Variants in ZBTB16 observed in about 807,000 individuals in gnomAD.
ZBTB16 encodes the protein zinc finger and BTB domain containing 16.
In ZBTB16, 8 loss-of-function variants were observed where a neutral mutation model predicts 56.8. The observed-to-expected ratio is 0.14, with a 90% CI of 0.08 to 0.25. The LOEUF (loss-of-function observed/expected upper bound fraction) is 0.25, where lower values mean the gene tolerates loss of function less well. Among genes scored for constraint, ZBTB16 ranks in the 10% least tolerant of loss-of-function variants. The probability of loss-of-function intolerance (pLI) is 1.00; values close to 1 mark genes in which losing one functional copy is unlikely to be tolerated. For missense variants in ZBTB16, 625 were observed against 903.0 expected (o/e 0.69, Z 3.95); for synonymous variants, 363 against 368.5 (o/e 0.98, Z 0.17).
rs568458264 is a variant in ZBTB16 at position 114,256,575 on chromosome 11, C to T, written c.*6020C>T. On this transcript the variant is annotated 3_prime_UTR_variant, in exon 7 of 7. Transcript: ENST00000335953. ...ACATTTTCAACTGACTCCTTAGTGG[C>T]TAAGCAAGCTTCAGAAATTTCTCAA... 6.6e-6 allele frequency among the ~76,000 whole-genome samples: 1 copy of T among 152,162 alleles called. No individual in the cohort carries two copies. The highest frequency in any genetic ancestry group is 1.5e-5 in the Non-Finnish European group (1 of 68,032).
rs116645120 is a variant in ZBTB16, at chr11:114,159,107, G to T, written c.1366+2673G>T. 2.3e-3 allele frequency among the ~76,000 whole-genome samples: 356 copies of T among 152,354 alleles called. 3 individuals are homozygous for T. Among genetic ancestry groups the T allele is most frequent in the African/African-American group, 8.1e-3 (337 of 41,578 alleles). On this transcript the variant is annotated intron_variant, in intron 3 of 6. Transcript: ENST00000335953. The stretch of plus-strand genomic sequence containing the variant: ...GGCTGCAGAAAAGAAAGGGTTGCTT[G>T]CATACTCATGTCAGGTGGGCCCGGT...
chr11:114,142,327 C>T (rs897128487), intron 2 of ZBTB16, among the ~76,000 whole-genome samples: 13 of 152,222 alleles, frequency 8.5e-5, no homozygotes, highest in African/African-American at 3.1e-4. Context: ...AGTCTGTGCA[C>T]AAGCCTTGAA....
At chr11:114,087,742 C>T (rs1034398191) in intron 2 of ZBTB16, among the ~76,000 whole-genome samples, 16 of 152,164 alleles carry the variant, frequency 1.1e-4, no homozygotes, top group Admixed American at 2.6e-4. Flanking sequence ...AGAGAAGAAA[C>T]GAGAGAATTC....
intron 2 of ZBTB16, among the ~76,000 whole-genome samples, chr11:114,104,775 G>A (rs1158109982): frequency 6.6e-6 from 1 of 152,224 alleles, no homozygotes; most frequent in East Asian, 1.9e-4. Flanking sequence ...AAAACCATCT[G>A]TTAAATGGAC....
At position 114,214,288 on chromosome 11, in the gene ZBTB16, G is replaced by A. The variant is rs538976242; in HGVS notation, c.1453+27250G>A. ...GATTACTGGGAAAGAGTTAGTAGGG[G>A]AGATGGGACTTGAAGTTTTTTGAAA... On this transcript the variant is annotated intron_variant, in intron 4 of 6. Coordinates refer to ENST00000335953, the MANE Select transcript of ZBTB16 (RefSeq NM_006006.6). Among the ~76,000 whole-genome samples, 113 of 152,286 alleles carry A rather than the reference G, an allele frequency of 7.4e-4. 2 individuals are homozygous for A. The South Asian group carries it at 0.023, about 31-fold the overall frequency.
chr11:114,213,198 A>T (rs1944030190), intron 4 of ZBTB16, among the ~76,000 whole-genome samples: 1 of 152,084 alleles, frequency 6.6e-6, no homozygotes, highest in Non-Finnish European at 1.5e-5. Flanking sequence ...TGGTGACGTG[A>T]GGCCTTGATG....
At chr11:114,114,682 CTTT>C (rs761374297) in intron 2 of ZBTB16, among the ~76,000 whole-genome samples, 12 of 140,070 alleles carry the variant, frequency 8.6e-5, no homozygotes, top group Admixed American at 1.4e-4. Context: ...TATGTTTTTT[CTTT>C]TTTTTTTTTT....
intron 2 of ZBTB16, among the ~76,000 whole-genome samples, chr11:114,116,748 G>C (rs571505293): frequency 3.0e-4 from 46 of 152,268 alleles, no homozygotes; most frequent in African/African-American, 9.4e-4. Context: ...TGTTCCCTAA[G>C]ACAATTGGTA....
At chr11:114,154,250 C>T (rs561377190) in intron 2 of ZBTB16, among the ~76,000 whole-genome samples, 12 of 152,256 alleles carry the variant, frequency 7.9e-5, no homozygotes, top group African/African-American at 2.2e-4. Context: ...AATGGGTGTT[C>T]GTCCTCCTAT....
rs150640696 is a variant in ZBTB16 at position 114,187,249 on chromosome 11, G to A, written c.1453+211G>A. The A allele has an allele frequency of 3.3e-4, 216 of 656,402 alleles. 1 individual carries two copies. In the Middle Eastern group the frequency reaches 8.6e-3, roughly 26 times the overall value. The allele number at this position is 656,402 out of a possible 1,614,324, so 40.7% of individuals were successfully genotyped here. On this transcript the variant is annotated intron_variant, in intron 4 of 6. Transcript: ENST00000335953. The stretch of plus-strand genomic sequence containing the variant: ...GTTTACAAGTATGACATGGCCCCAT[G>A]AGAATGGCTGTCCTAGATTAGGCCA...
At chr11:114,183,059 G>A (rs779084556) in intron 3 of ZBTB16, among the ~76,000 whole-genome samples, 1 of 152,098 alleles carries the variant, frequency 6.6e-6, no homozygotes, top group Admixed American at 6.5e-5. Context: ...CTCCGCTCAC[G>A]TGTCCATGGA....
At chr11:114,208,854 G>A (rs1476121529) in intron 4 of ZBTB16, among the ~76,000 whole-genome samples, 3 of 152,210 alleles carry the variant, frequency 2.0e-5, no homozygotes, top group Non-Finnish European at 4.4e-5. Flanking sequence ...GTGTTAGGTG[G>A]TGGGCAGAAG....
intron 4 of ZBTB16, chr11:114,237,353 GA>G (rs1277108219): frequency 1.3e-5 from 2 of 152,252 alleles, no homozygotes; most frequent in Non-Finnish European, 2.9e-5. Context: ...AAGTATGTGG[GA>G]GAGCTGGGAC....
chr11:114,176,008 T>TGC, intron 3 of ZBTB16, among the ~76,000 whole-genome samples: 1 of 149,070 alleles, frequency 6.7e-6, no homozygotes, highest in Non-Finnish European at 1.5e-5. Context: ...TGTGCGTGCG[T>TGC]GTGTGTGTGT....
intron 4 of ZBTB16, among the ~76,000 whole-genome samples, chr11:114,198,024 G>GAAA (rs36102991): frequency 6.9e-5 from 10 of 145,274 alleles, no homozygotes; most frequent in African/African-American, 2.6e-4. Context: ...AACTTTACAT[G>GAAA]AAAAAAAAAA....
intron 4 of ZBTB16, among the ~76,000 whole-genome samples, chr11:114,223,032 C>T (rs1944262501): frequency 1.3e-5 from 2 of 152,172 alleles, no homozygotes; most frequent in Non-Finnish European, 1.5e-5. Flanking sequence ...CTACATGTTC[C>T]ACCAGTGCCC....
At chr11:114,186,780 G>A (rs1173427568) in intron 3 of ZBTB16, among the ~76,000 whole-genome samples, 172 bp from the exon 4 acceptor site, 1 of 152,104 alleles carries the variant, frequency 6.6e-6, no homozygotes, top group Non-Finnish European at 1.5e-5. Context: ...ATTCAGTTGG[G>A]TGAATGCTCA....
Position 114,254,844 on chromosome 11 carries a change from G to A in ZBTB16, c.*4289G>A, listed in dbSNP as rs1166087907. Among the ~76,000 whole-genome samples, 1 of 152,204 alleles carries A rather than the reference G, an allele frequency of 6.6e-6. No homozygotes were observed. Among genetic ancestry groups the A allele is most frequent in the Non-Finnish European group, 1.5e-5 (1 of 68,038 alleles). The stretch of plus-strand genomic sequence containing the variant: ...GACAGATGGGGAGAGGAAAAAGGCA[G>A]AGATGGCCAGGAGAGGGGTGCAGGA... On this transcript the variant is annotated 3_prime_UTR_variant, in exon 7 of 7. Coordinates refer to ENST00000335953, the MANE Select transcript of ZBTB16 (RefSeq NM_006006.6).
chr11:114,072,190 A>G lies in ZBTB16; in HGVS notation c.1268+7622A>G, dbSNP rs1010975509. On this transcript the variant is annotated intron_variant, in intron 2 of 6. Coordinates refer to ENST00000335953, the MANE Select transcript of ZBTB16 (RefSeq NM_006006.6). The stretch of plus-strand genomic sequence containing the variant: ...AGACCGTTCTTCCGCATAGGCGTCA[A>G]TCCGTACAGTGCTGTAAAACTGCTG... Among the ~76,000 whole-genome samples the G allele has an allele frequency of 3.3e-5, 5 of 152,256 alleles. No homozygotes were observed. The South Asian group carries it at 1.0e-3, about 31-fold the overall frequency.
Sources: gnomAD v4.1 joint callset for allele counts (sites outside exome capture counted in the v4.1 genomes callset) on GRCh38, gnomAD v4.1.1 for gene constraint, MANE v1.5 for transcripts, NCBI Gene and HGNC (gene_info 2026-07-23, HGNC 2026-07-21) for gene names.